Variants in PC observed in about 807,000 individuals in gnomAD.
PC encodes pyruvate carboxylase, mitochondrial.
In PC, 46 loss-of-function variants were observed where a neutral mutation model predicts 107.8. The observed-to-expected ratio is 0.43, with a 90% CI of 0.34 to 0.55. The LOEUF (loss-of-function observed/expected upper bound fraction) is 0.55, where lower values mean the gene tolerates loss of function less well. PC is among the 20% of genes least tolerant of loss of function. PC has a pLI of 0.04. For missense variants in PC, 1,241 were observed against 1,643.1 expected, an observed-to-expected ratio of 0.76 and a Z score of 4.23; for synonymous variants, 662 against 684.7, an observed-to-expected ratio of 0.97 and a Z score of 0.52.
At chr11:66,849,579 G>A (rs1044107643) in intron 21 of PC, 32 bp downstream of exon 21, 1 of 1,613,958 alleles carries the variant, frequency 6.2e-7, no homozygotes, top group Non-Finnish European at 8.5e-7. Context: ...GGGGGCCAGG[G>A]TGGAGTGTGG....
At position 66,848,452 on chromosome 11, in the gene PC, A is replaced by C. The variant is rs921681116; in HGVS notation, c.*447T>G. 5 of 538,874 alleles carry C rather than the reference A, an allele frequency of 9.3e-6. No individual in the cohort carries two copies. In the Admixed American group the frequency reaches 1.1e-4, roughly 12 times the overall value. 33.4% of individuals were successfully genotyped at this position (538,874 alleles called of 1,614,324 possible). ...AACGACACAACTGACCTGCCCACCC[A>C]TGGGGAGCTTGAAAGGCAGCCCCCC... On this transcript the variant is annotated 3_prime_UTR_variant, in exon 23 of 23. Transcript: ENST00000393960.
chr11:66,860,388 C>T, intron 12 of PC: 1 of 788,088 alleles, frequency 1.3e-6, no homozygotes, highest in Middle Eastern at 2.2e-4. Context: ...GCCCCTCCAA[C>T]AGGTGCTCAC....
At chr11:66,938,872 T>G (rs1190005347) in intron 3 of PC, among the ~76,000 whole-genome samples, 1 of 152,194 alleles carries the variant, frequency 6.6e-6, no homozygotes, top group Non-Finnish European at 1.5e-5. Flanking sequence ...TTTTGGTGAT[T>G]TCCCATTTTC....
chr11:66,858,781 C>T lies in PC; in HGVS notation c.1368+4993G>A, dbSNP rs1946046927. 3.9e-6 allele frequency: 6 copies of T among 1,550,238 alleles called. No individual in the cohort carries two copies. The highest frequency in any genetic ancestry group is 1.2e-5 in the South Asian group (1 of 84,426). ...ATTGGGGTGACCGGCGCTGGGGACG[C>T]TGGGGGCTACACCTGCATCGCCACC... On this transcript the variant is annotated intron_variant, in intron 12 of 22. Transcript: ENST00000393960. The surrounding 1 kb of genome is among the most constrained non-coding windows in gnomAD (Gnocchi z 5.9).
chr11:66,884,644 G>A (rs1947297265), intron 3 of PC, among the ~76,000 whole-genome samples: 1 of 152,130 alleles, frequency 6.6e-6, no homozygotes, highest in Non-Finnish European at 1.5e-5. Context: ...TGCAGAGCGT[G>A]CCTGTGCCCC....
Position 66,924,158 on chromosome 11 carries a change from C to T in PC, c.-1+28272G>A, listed in dbSNP as rs545158312. ...CAGAGGCTGCAGTGAGCTGAGATTG[C>T]GCCACTGTACTCTAGCCTGGGCGAC... On this transcript the variant is annotated intron_variant, in intron 3 of 22. Transcript: ENST00000393960. 1.9e-3 allele frequency among the ~76,000 whole-genome samples: 279 copies of T among 147,156 alleles called. 1 individual carries two copies. Among genetic ancestry groups the T allele is most frequent in the African/African-American group, 6.6e-3 (264 of 39,772 alleles).
chr11:66,936,952 C>T (rs963230539), intron 3 of PC, among the ~76,000 whole-genome samples: 8 of 152,118 alleles, frequency 5.3e-5, no homozygotes, highest in African/African-American at 1.9e-4. Flanking sequence ...CAACGATTCT[C>T]GTGCCTCAGC....
intron 12 of PC, 123 bp downstream of exon 12, chr11:66,863,651 G>A (rs903679516): frequency 2.3e-5 from 24 of 1,055,858 alleles, no homozygotes; most frequent in Non-Finnish European, 3.0e-5. Flanking sequence ...CACTGACCTC[G>A]ACCCATCAGT....
intron 12 of PC, chr11:66,860,614 T>C (rs1463524958): frequency 1.4e-6 from 1 of 701,466 alleles, no homozygotes; most frequent in Non-Finnish European, 2.6e-6. Flanking sequence ...CCTGGCTTCC[T>C]GTCCACAGGG....
intron 3 of PC, among the ~76,000 whole-genome samples, chr11:66,904,428 CAGG>C (rs2136053387): frequency 6.6e-6 from 1 of 152,286 alleles, no homozygotes; most frequent in East Asian, 1.9e-4. Context: ...CACTTGAGCC[CAGG>C]AGTTTGACAC....
chr11:66,922,014 C>T (rs1305003256), intron 3 of PC, among the ~76,000 whole-genome samples: 3 of 152,138 alleles, frequency 2.0e-5, no homozygotes, highest in Non-Finnish European at 4.4e-5. Context: ...CATGACAATT[C>T]CCCTGTGCTT....
intron 2 of PC, 54 bp from the exon 3 acceptor site, chr11:66,952,522 GA>G (rs1239284424): frequency 6.6e-6 from 1 of 152,240 alleles, no homozygotes; most frequent in African/African-American, 2.4e-5. Context: ...ACTTCCCAGA[GA>G]AAACAGGAGT....
rs1316270202 is a variant in PC at position 66,852,275 on chromosome 11, G to A, written c.1825+164C>T. 6.6e-6 allele frequency among the ~76,000 whole-genome samples: 1 copy of A among 152,158 alleles called. No homozygotes were observed. Among genetic ancestry groups the A allele is most frequent in the Non-Finnish European group, 1.5e-5 (1 of 68,014 alleles). On this transcript the variant is annotated intron_variant, in intron 15 of 22. Coordinates refer to ENST00000393960, the MANE Select transcript of PC (RefSeq NM_001040716.2). The surrounding 1 kb of genome is among the most constrained non-coding windows in gnomAD (Gnocchi z 4.7). Reference sequence around the variant, plus strand: ...GGTCTCAGCTCTGCAACCTCGTGCCGGCACCAGGCCTGGCCGGAGAGGGCG... The same window carrying A: ...GGTCTCAGCTCTGCAACCTCGTGCCAGCACCAGGCCTGGCCGGAGAGGGCG...
rs1456932938 is a variant in PC at position 66,870,161 on chromosome 11, G to A, written c.903+141C>T. On this transcript the variant is annotated intron_variant, in intron 9 of 22. Coordinates refer to ENST00000393960, the MANE Select transcript of PC (RefSeq NM_001040716.2). The surrounding 1 kb of genome is among the most constrained non-coding windows in gnomAD (Gnocchi z 6.1). ...CCACAAACCCACTTCTGGCCCCCAGGAGAGTCCTTCACCCTCTTCTCCCCA... is the reference window on the plus strand; with the variant it reads ...CCACAAACCCACTTCTGGCCCCCAGAAGAGTCCTTCACCCTCTTCTCCCCA... 2.9e-6 allele frequency: 3 copies of A among 1,044,364 alleles called. No individual in the cohort carries two copies. The highest frequency in any genetic ancestry group is 2.9e-6 in the Non-Finnish European group (2 of 699,910). The allele number at this position is 1,044,364 out of a possible 1,614,324, so 64.7% of individuals were successfully genotyped here. A position where few individuals can be genotyped will look rare whatever the true frequency, so the allele number is the denominator to read the frequency against.
chr11:66,863,632 A>C, intron 12 of PC, 142 bp downstream of exon 12: 1 of 888,474 alleles, frequency 1.1e-6, no homozygotes, highest in East Asian at 2.5e-5. Flanking sequence ...AGCTGCAGCC[A>C]AGGAGAGCCA....
chr11:66,883,626 T>C (rs1245523223), intron 3 of PC, among the ~76,000 whole-genome samples: 1 of 152,196 alleles, frequency 6.6e-6, no homozygotes, highest in Non-Finnish European at 1.5e-5. Flanking sequence ...TCTCCTTTAA[T>C]AGACACTGTT....
At chr11:66,928,755 C>T (rs1010042856) in intron 3 of PC, among the ~76,000 whole-genome samples, 6 of 152,004 alleles carry the variant, frequency 3.9e-5, no homozygotes, top group Non-Finnish European at 7.4e-5. Flanking sequence ...GAACTCCCAA[C>T]CTCAAGTGAT....
In PC at chr11:66,870,845, G is replaced by T. The variant is rs375016949; in HGVS notation, c.681C>A (p.Ala227=). ...YTRAYSEALA[A]FGNGALFVEK... ...CCACAAACAGCGCCCCATTCCCAAA[G>T]GCGGCCAGAGCCTCTGAGTAGGCCC... The change falls in exon 8 of 23, where the codon GCC becomes GCA. Residue 227 remains alanine (A), a synonymous_variant. Coordinates refer to ENST00000393960, the MANE Select transcript of PC (RefSeq NM_001040716.2). The surrounding 1 kb of genome is among the most constrained non-coding windows in gnomAD (Gnocchi z 6.1). The T allele has an allele frequency of 6.2e-7, 1 of 1,613,656 alleles. No homozygotes were observed. Among genetic ancestry groups the T allele is most frequent in the Non-Finnish European group, 8.5e-7 (1 of 1,179,988 alleles).
intron 12 of PC, chr11:66,859,202 C>T: frequency 3.0e-6 from 4 of 1,330,620 alleles, no homozygotes; most frequent in Non-Finnish European, 4.0e-6. Flanking sequence ...CTGACACCCC[C>T]TCCCCGACCA....
Sources: allele counts gnomAD v4.1 joint callset (sites outside exome capture counted in the v4.1 genomes callset), GRCh38; gene constraint gnomAD v4.1.1; non-coding constraint Gnocchi (gnomAD v3.1); transcripts MANE v1.5; gene names NCBI Gene and HGNC (gene_info 2026-07-23, HGNC 2026-07-21).